The following TMC5 variants were observed in gnomAD, a reference collection of about 807,000 sequenced individuals.
TMC5 encodes the protein transmembrane channel-like protein 5.
Under a neutral mutation model 110.5 loss-of-function variants are expected in TMC5, and 86 were observed. That is an observed-to-expected ratio of 0.78 (90% CI 0.65 to 0.93). The LOEUF (loss-of-function observed/expected upper bound fraction) is 0.93, where lower values mean the gene tolerates loss of function less well. Ranked by LOEUF, TMC5 falls within the 40% of genes least tolerant of loss-of-function variation. The pLI is 0.00. For synonymous variants in TMC5, 455 were observed against 439.5 expected (o/e 1.04, Z -0.44); for missense variants, 1,144 against 1,222.8 (o/e 0.94, Z 0.96).
intron 13 of TMC5, 63 bp downstream of exon 13, chr16:19,477,581 A>G (rs1968520093): frequency 4.3e-6 from 5 of 1,160,150 alleles, no homozygotes; most frequent in African/African-American, 1.5e-5. Flanking sequence ...CAGGGAGGAC[A>G]GGGGTTTCTC....
At chr16:19,412,768 C>T (rs535574910) in intron 1 of TMC5, among the ~76,000 whole-genome samples, 2 of 152,322 alleles carry the variant, frequency 1.3e-5, no homozygotes, top group South Asian at 2.1e-4. Flanking sequence ...ATGCTGTGAC[C>T]GCCCTCTACA....
At chr16:19,464,149 G>T (rs1233585573) in intron 8 of TMC5, 125 bp downstream of exon 8, 5 of 1,159,690 alleles carry the variant, frequency 4.3e-6, no homozygotes, top group Admixed American at 2.5e-5. Context: ...GAAAGTGGAT[G>T]TTTGAAATGT....
chr16:19,473,192 A>C (rs779909040), intron 11 of TMC5, among the ~76,000 whole-genome samples: 12 of 151,710 alleles, frequency 7.9e-5, no homozygotes, highest in Non-Finnish European at 1.6e-4. Flanking sequence ...CTAAAAATAC[A>C]AAAATTAGCT....
intron 1 of TMC5, among the ~76,000 whole-genome samples, chr16:19,427,744 CT>C (rs937267065): frequency 2.0e-5 from 3 of 152,052 alleles, no homozygotes; most frequent in South Asian, 2.1e-4. Flanking sequence ...GTCACACCCC[CT>C]GCTACAGTTG....
At chr16:19,414,658 G>A (rs1272979733), upstream of TMC5, among the ~76,000 whole-genome samples, 1 of 152,192 alleles carries the variant, frequency 6.6e-6, no homozygotes, top group African/African-American at 2.4e-5. Context: ...TGTAATCCCA[G>A]AACCTTGGGA....
chr16:19,472,887 G>A (rs889126697), intron 11 of TMC5, among the ~76,000 whole-genome samples: 1 of 152,300 alleles, frequency 6.6e-6, no homozygotes, highest in Non-Finnish European at 1.5e-5. Context: ...GGCCATGCAG[G>A]GAGGATATGG....
intron 18 of TMC5, among the ~76,000 whole-genome samples, chr16:19,491,126 T>A (rs1968894793): frequency 6.6e-6 from 1 of 151,898 alleles, no homozygotes. Flanking sequence ...TCCTCCCACC[T>A]CAGCCCCCAA....
At chr16:19,478,849 A>G (rs1186940787) in intron 13 of TMC5, among the ~76,000 whole-genome samples, 1 of 152,112 alleles carries the variant, frequency 6.6e-6, no homozygotes, top group East Asian at 1.9e-4. Flanking sequence ...CTGTGCACCC[A>G]AAAGTTTCCT....
rs1567327741 is a variant in TMC5, at chr16:19,490,755, CTT to C, written c.2747+188_2747+189del. Among the ~76,000 whole-genome samples the C allele has an allele frequency of 1.5e-4, 8 of 54,602 alleles. No homozygotes were observed. In the East Asian group the frequency reaches 2.1e-3, roughly 14 times the overall value. 35.8% of individuals were successfully genotyped at this position (54,602 alleles called of 152,430 possible). On this transcript the variant is annotated intron_variant, in intron 18 of 21. Transcript: ENST00000542583. ...CCTTCCTTCCTTCCTTCCTTCCTTCCTTCCTTCCCTTCCTTTTTTTCTTTTCT... is the reference window on the plus strand; with the variant it reads ...CCTTCCTTCCTTCCTTCCTTCCTTCCCCTTCCCTTCCTTTTTTTCTTTTCT...
intron 11 of TMC5, among the ~76,000 whole-genome samples, chr16:19,473,413 C>A (rs1371927391): frequency 1.4e-5 from 2 of 144,698 alleles, no homozygotes; most frequent in Non-Finnish European, 3.0e-5. Context: ...GACACGCCAA[C>A]CCCCTAATTC....
chr16:19,481,430 C>T lies in TMC5; in HGVS notation c.2328C>T (p.Asn776=), dbSNP rs35421097. Residue 776 remains asparagine (N), a synonymous_variant, in exon 15 of 22, where the codon AAC becomes AAT. Coordinates refer to ENST00000542583, the MANE Select transcript of TMC5 (RefSeq NM_001261841.2). ...LGLQEFDIAR[N]VLELIYAQTL... ...TTCAGGAGTTTGACATTGCCAGGAA[C>T]GTTCTAGAACTGATCTATGCACAAA... 43,887 of 1,613,652 alleles carry T rather than the reference C, an allele frequency of 0.027. 711 individuals are homozygous for T. The highest frequency in any genetic ancestry group is 0.032 in the South Asian group (2,950 of 91,068).
At chr16:19,418,190 CGTATT>C (rs1249733945) in intron 1 of TMC5, 98 bp downstream of exon 1, 2 of 152,128 alleles carry the variant, frequency 1.3e-5, no homozygotes, top group Admixed American at 1.3e-4. Flanking sequence ...CTGAGGCTGT[CGTATT>C]GCTTATTGCC....
chr16:19,433,559 C>T (rs1197977792), intron 2 of TMC5, among the ~76,000 whole-genome samples: 4 of 152,236 alleles, frequency 2.6e-5, no homozygotes, highest in East Asian at 1.9e-4. Context: ...CATTGTTATT[C>T]GATCCCTTTG....
rs1400191370 is a variant in TMC5, at chr16:19,440,369, A to G, written c.331A>G (p.Ser111Gly). 3 of 1,614,002 alleles carry G rather than the reference A, an allele frequency of 1.9e-6. No individual in the cohort carries two copies. The highest frequency in any genetic ancestry group is 2.7e-5 in the African/African-American group (2 of 74,926). ...TACCTCTCTACCAGAGCCAGATTAT[A>G]GTGAATTTCAGAGTCATCCCTACCA... is the stretch of plus-strand genomic sequence containing the variant. ...HPTSLPEPDY[S>G]EFQSHPYHRA... The change falls in exon 3 of 22, where the codon AGT becomes GGT. Residue 111 changes from serine (S) to glycine (G), a missense_variant. Coordinates refer to ENST00000542583, the MANE Select transcript of TMC5 (RefSeq NM_001261841.2).
At position 19,474,247 on chromosome 16, in the gene TMC5, A is replaced by G. The variant is rs1157593942; in HGVS notation, c.2061A>G (p.Pro687=). Residue 687 remains proline (P), a synonymous_variant, in exon 12 of 22, where the codon CCA becomes CCG. Transcript: ENST00000542583. The part of the protein sequence containing the change: ...MFRLVERYEM[P]RHEVYVLLIR... ...GGCTTGTGGAGAGGTACGAGATGCC[A>G]CGGCACGAAGTCTACGTTCTCCTGA... The G allele has an allele frequency of 6.2e-6, 10 of 1,614,004 alleles. No homozygotes were observed. The highest frequency in any genetic ancestry group is 5.9e-6 in the Non-Finnish European group (7 of 1,180,010).
chr16:19,494,060 G>A (rs1032537888), intron 19 of TMC5, among the ~76,000 whole-genome samples: 3 of 152,076 alleles, frequency 2.0e-5, no homozygotes, highest in Non-Finnish European at 2.9e-5. Context: ...ATATTACAGT[G>A]CAGGAAGGCT....
At chr16:19,495,659 A>G (rs1481481626) in intron 20 of TMC5, among the ~76,000 whole-genome samples, 4 of 152,072 alleles carry the variant, frequency 2.6e-5, no homozygotes, top group Admixed American at 2.6e-4. Flanking sequence ...TAAGACCAAC[A>G]TAGCGAGACC....
At chr16:19,455,945 C>T (rs557205160) in intron 5 of TMC5, among the ~76,000 whole-genome samples, 115 of 152,244 alleles carry the variant, frequency 7.6e-4, no homozygotes, top group African/African-American at 2.6e-3. Flanking sequence ...CTGTGTCTCA[C>T]GCCTGTAATC....
chr16:19,490,344 A>C, intron 17 of TMC5, 51 bp from the exon 18 acceptor site: 1 of 1,585,064 alleles, frequency 6.3e-7, no homozygotes, highest in Non-Finnish European at 8.6e-7. Context: ...TTCTAGAATA[A>C]CCATCCCTGA....
Sources: gnomAD v4.1 joint callset for allele counts (sites outside exome capture counted in the v4.1 genomes callset) on GRCh38, gnomAD v4.1.1 for gene constraint, MANE v1.5 for transcripts, NCBI Gene and HGNC (gene_info 2026-07-23, HGNC 2026-07-21) for gene names.